The following BTBD10 variants were observed in gnomAD, a reference collection of about 807,000 sequenced individuals.
The protein encoded by BTBD10 is BTB/POZ domain-containing protein 10.
BTBD10 carries 21 observed loss-of-function variants against 53.2 expected under a neutral mutation model. The observed-to-expected ratio is 0.39, with a 90% confidence interval of 0.28 to 0.57. The LOEUF is 0.57. Among genes scored for constraint, BTBD10 ranks in the 20% least tolerant of loss-of-function variants. BTBD10 has a pLI of 0.53. For missense variants in BTBD10, 360 were observed against 594.7 expected (o/e 0.61, Z 4.10); for synonymous variants, 149 against 192.7 (o/e 0.77, Z 1.88).
intron 8 of BTBD10, among the ~76,000 whole-genome samples, chr11:13,399,080 T>C (rs1005807793): frequency 1.1e-4 from 16 of 152,186 alleles, no homozygotes; most frequent in African/African-American, 3.4e-4. Context: ...TTTCCTGAAT[T>C]TGAATGTTGG....
intron 2 of BTBD10, among the ~76,000 whole-genome samples, chr11:13,441,609 T>C (rs1011057690): frequency 2.0e-5 from 3 of 152,116 alleles, no homozygotes; most frequent in Non-Finnish European, 2.9e-5. Flanking sequence ...GTTACTTTTA[T>C]AAATCAAATA....
intron 1 of BTBD10, among the ~76,000 whole-genome samples, chr11:13,458,481 A>C (rs1196352070): frequency 1.3e-5 from 2 of 152,200 alleles, no homozygotes; most frequent in Non-Finnish European, 2.9e-5. Flanking sequence ...CACTAGGGGG[A>C]ATCACTGGAA....
At position 13,405,856 on chromosome 11, in the gene BTBD10, C is replaced by T; in HGVS notation, c.809G>A (p.Ser270Asn). The T allele has an allele frequency of 6.2e-7, 1 of 1,611,238 alleles. No homozygotes were observed. Among genetic ancestry groups the T allele is most frequent in the Non-Finnish European group, 8.5e-7 (1 of 1,178,402 alleles). The change falls in exon 7 of 9, where the codon AGT becomes AAT. Residue 270 changes from serine to asparagine, a missense_variant and splice_region_variant. Around this residue, in one of 6 missense-constraint regions of BTBD10, gnomAD observed 91 missense variants for 171.7 expected, o/e 0.53. Transcript: ENST00000278174. ...ATTTGATAACTCATGCATTAGGGCA[C>T]CTGAAATGAAATCCACAAAAATATC... ...EYSTIKCRDL[S>N]ALMHELSNDG...
At chr11:13,452,240 G>T (rs1213090473) in intron 1 of BTBD10, among the ~76,000 whole-genome samples, 2 of 152,146 alleles carry the variant, frequency 1.3e-5, no homozygotes, top group Admixed American at 6.5e-5. Context: ...GATTTCATAT[G>T]TATGAAAGAC....
chr11:13,439,930 A>T (rs1163040150), intron 2 of BTBD10: 1 of 1,534,580 alleles, frequency 6.5e-7, no homozygotes, highest in African/African-American at 1.4e-5. Context: ...CAAGAAAAAA[A>T]TTTTGAAATC....
At chr11:13,440,336 TAGAC>T (rs1322914222) in intron 2 of BTBD10, 31 of 1,076,282 alleles carry the variant, frequency 2.9e-5, no homozygotes, top group Non-Finnish European at 3.3e-5. Flanking sequence ...TTGTAATTGA[TAGAC>T]AGGCATAACA....
chr11:13,437,000 C>T (rs1043064239), intron 2 of BTBD10, among the ~76,000 whole-genome samples: 15 of 152,162 alleles, frequency 9.9e-5, no homozygotes, highest in Non-Finnish European at 2.1e-4. Context: ...CCAGGCTGGT[C>T]TCAAACTCCT....
chr11:13,454,135 T>C (rs950933088), intron 1 of BTBD10, among the ~76,000 whole-genome samples: 1 of 152,170 alleles, frequency 6.6e-6, no homozygotes, highest in Admixed American at 6.5e-5. Context: ...GAAATAAGAA[T>C]TACAAAGATT....
intron 8 of BTBD10, among the ~76,000 whole-genome samples, chr11:13,395,752 C>T (rs1438588322): frequency 6.6e-6 from 1 of 152,218 alleles, no homozygotes; most frequent in Admixed American, 6.5e-5. Flanking sequence ...CAGCTTTCTA[C>T]ATATGGCTAG....
intron 5 of BTBD10, 149 bp from the exon 6 acceptor site, chr11:13,413,799 C>T: frequency 3.1e-6 from 2 of 652,138 alleles, no homozygotes; most frequent in African/African-American, 1.9e-5. Flanking sequence ...GATGAGACCT[C>T]CGTTCACCTA....
intron 8 of BTBD10, among the ~76,000 whole-genome samples, chr11:13,399,508 C>A (rs1445293987): frequency 6.6e-6 from 1 of 152,110 alleles, no homozygotes; most frequent in Non-Finnish European, 1.5e-5. Context: ...TCCTTTAGCT[C>A]GGAGTAGTTT....
At chr11:13,435,404 T>A (rs1274149298) in intron 2 of BTBD10, among the ~76,000 whole-genome samples, 1 of 152,228 alleles carries the variant, frequency 6.6e-6, no homozygotes, top group African/African-American at 2.4e-5. Flanking sequence ...ATAATTTTTT[T>A]AAACTTTTGG....
At chr11:13,462,744 C>G (rs1951127795) in intron 1 of BTBD10, 1 of 152,348 alleles carries the variant, frequency 6.6e-6, no homozygotes, top group Admixed American at 6.5e-5. Flanking sequence ...CTCAGGATGT[C>G]GCTGCGTTCG....
chr11:13,434,998 G>A (rs1950521445), intron 2 of BTBD10, among the ~76,000 whole-genome samples: 1 of 152,178 alleles, frequency 6.6e-6, no homozygotes, highest in African/African-American at 2.4e-5. Flanking sequence ...AGAAATGTAG[G>A]TATATCTTAG....
intron 5 of BTBD10, 38 bp downstream of exon 5, chr11:13,417,120 G>A (rs760365769): frequency 1.2e-5 from 18 of 1,461,764 alleles, no homozygotes; most frequent in South Asian, 9.7e-5. Flanking sequence ...CCAAGAAGGC[G>A]TCTTATGATT....
intron 8 of BTBD10, among the ~76,000 whole-genome samples, chr11:13,394,887 G>C (rs1949500799): frequency 6.6e-6 from 1 of 151,704 alleles, no homozygotes; most frequent in Non-Finnish European, 1.5e-5. Flanking sequence ...ATTTTTTATG[G>C]CTGCATAGTA....
intron 8 of BTBD10, among the ~76,000 whole-genome samples, chr11:13,389,703 C>T (rs575731833): frequency 4.6e-5 from 7 of 152,314 alleles, no homozygotes; most frequent in South Asian, 4.1e-4. Flanking sequence ...GGATTACAGG[C>T]GCAAGCCACC....
At chr11:13,416,018 C>T (rs1020712091) in intron 5 of BTBD10, among the ~76,000 whole-genome samples, 154 of 136,652 alleles carry the variant, frequency 1.1e-3, no homozygotes, top group African/African-American at 4.1e-3. Flanking sequence ...AAATATTTTT[C>T]AAAAAAAAAA....
At chr11:13,438,104 T>A (rs992872220) in intron 2 of BTBD10, among the ~76,000 whole-genome samples, 1 of 152,154 alleles carries the variant, frequency 6.6e-6, no homozygotes, top group Non-Finnish European at 1.5e-5. Context: ...CCTCTCATTG[T>A]CATGCATTAT....
Sources: allele counts gnomAD v4.1 joint callset (sites outside exome capture counted in the v4.1 genomes callset), GRCh38; gene constraint gnomAD v4.1.1; regional missense constraint gnomAD v4.1.1; transcripts MANE v1.5; gene names NCBI Gene and HGNC (gene_info 2026-07-23, HGNC 2026-07-21).